The following CDH13 variants were observed in gnomAD, a reference collection of about 807,000 sequenced individuals.
CDH13 encodes the protein cadherin 13, also known as cadherin-13.
A neutral mutation model predicts 63.8 loss-of-function variants in CDH13; 24 were observed. The ratio of observed to expected loss-of-function variants is 0.38; its 90% confidence interval spans 0.27 to 0.53. The LOEUF (loss-of-function observed/expected upper bound fraction) is 0.53, where lower values mean the gene tolerates loss of function less well. CDH13 is among the 20% of genes least tolerant of loss of function. CDH13 has a pLI of 0.85. For missense variants in CDH13, 1,049 were observed against 903.1 expected (o/e 1.16, Z -2.07); for synonymous variants, 503 against 355.3 (o/e 1.42, Z -4.67).
intron 4 of CDH13, among the ~76,000 whole-genome samples, chr16:83,141,465 A>T (rs2036526078): frequency 6.6e-6 from 1 of 151,712 alleles, no homozygotes; most frequent in Non-Finnish European, 1.5e-5. Context: ...TTATATTTTC[A>T]TTTCTCTTCG....
intron 6 of CDH13, among the ~76,000 whole-genome samples, chr16:83,437,859 G>A (rs952373735): frequency 3.3e-5 from 5 of 152,206 alleles, no homozygotes; most frequent in South Asian, 2.1e-4. Flanking sequence ...AGGAGAAAAA[G>A]CAAATAAAGA....
intron 6 of CDH13, among the ~76,000 whole-genome samples, chr16:83,456,685 G>C (rs572901454): frequency 6.6e-6 from 1 of 152,304 alleles, no homozygotes; most frequent in Admixed American, 6.5e-5. Context: ...CTAGGGGGCT[G>C]GGCGCAGGGT....
At position 82,870,606 on chromosome 16, in the gene CDH13, T is replaced by C. The variant is rs116789831; in HGVS notation, c.157+12133T>C. 9.4e-3 allele frequency among the ~76,000 whole-genome samples: 1,432 copies of C among 152,182 alleles called. 25 individuals carry two copies. Among genetic ancestry groups the C allele is most frequent in the African/African-American group, 0.033 (1,355 of 41,542 alleles). Reference sequence around the variant, plus strand: ...TAGGGTAACAAAAATTAATAATTTATTATATATTTTACATACCCAATAAGA... The same window carrying C: ...TAGGGTAACAAAAATTAATAATTTACTATATATTTTACATACCCAATAAGA... On this transcript the variant is annotated intron_variant, in intron 2 of 13. Transcript: ENST00000567109.
chr16:82,840,445 G>C (rs1032344645), intron 1 of CDH13, among the ~76,000 whole-genome samples: 1 of 151,714 alleles, frequency 6.6e-6, no homozygotes, highest in Non-Finnish European at 1.5e-5. Flanking sequence ...CACTTTGGGA[G>C]GCCCAGGTGG....
chr16:83,668,735 C>T (rs149346455), intron 8 of CDH13, among the ~76,000 whole-genome samples: 110 of 152,300 alleles, frequency 7.2e-4, no homozygotes, highest in African/African-American at 2.4e-3. Flanking sequence ...GGTCACTAAA[C>T]GACTTTGGGC....
intron 4 of CDH13, among the ~76,000 whole-genome samples, chr16:83,195,659 T>C (rs965685202): frequency 6.6e-6 from 1 of 152,088 alleles, no homozygotes; most frequent in East Asian, 1.9e-4. Context: ...ACATTGGGGA[T>C]TACAATTCGA....
At chr16:83,284,500 A>T (rs1044886764) in intron 5 of CDH13, among the ~76,000 whole-genome samples, 13 of 152,194 alleles carry the variant, frequency 8.5e-5, no homozygotes, top group African/African-American at 3.1e-4. Context: ...TAAAAATTAG[A>T]TTAAGATTAA....
chr16:82,709,637 C>T (rs935862118), intron 1 of CDH13, among the ~76,000 whole-genome samples: 6 of 152,194 alleles, frequency 3.9e-5, no homozygotes, highest in Non-Finnish European at 7.3e-5. Context: ...GCGACTGCGA[C>T]ATAGCAAGTG....
At chr16:83,028,582 G>A (rs528341908) in intron 2 of CDH13, among the ~76,000 whole-genome samples, 4 of 152,170 alleles carry the variant, frequency 2.6e-5, no homozygotes, top group Admixed American at 2.0e-4. Context: ...ACCTCAGTCC[G>A]TGGATACTAC....
At chr16:83,645,545 C>T (rs532770705) in intron 8 of CDH13, among the ~76,000 whole-genome samples, 2 of 125,122 alleles carry the variant, frequency 1.6e-5, no homozygotes, top group African/African-American at 3.0e-5. Flanking sequence ...ATGCCCCCCC[C>T]CAATCTAAAA....
At chr16:83,079,385 C>G (rs1461734432) in intron 3 of CDH13, among the ~76,000 whole-genome samples, 3 of 152,128 alleles carry the variant, frequency 2.0e-5, no homozygotes, top group Non-Finnish European at 4.4e-5. Context: ...ATCAACCTCA[C>G]TGTGATGCAT....
chr16:82,714,819 A>G (rs993223289), intron 1 of CDH13, among the ~76,000 whole-genome samples: 3 of 146,094 alleles, frequency 2.1e-5, no homozygotes, highest in Admixed American at 7.1e-5. Flanking sequence ...AGGGACACCA[A>G]AACTGCCAGC....
rs769862498 is a variant in CDH13, at chr16:82,692,562, T to C, written c.45+65425T>C. Among the ~76,000 whole-genome samples the C allele has an allele frequency of 1.9e-3, 282 of 152,292 alleles. 1 individual carries two copies. The highest frequency in any genetic ancestry group is 6.4e-3 in the African/African-American group (266 of 41,556). ...CCCCATGATTAATTTACCTCTCTCT[T>C]GTTCCTTCCATGACATGTGAGAATT... On this transcript the variant is annotated intron_variant, in intron 1 of 13. Transcript: ENST00000567109.
intron 2 of CDH13, among the ~76,000 whole-genome samples, chr16:82,940,656 A>G (rs1295058732): frequency 6.6e-6 from 1 of 152,160 alleles, no homozygotes; most frequent in Non-Finnish European, 1.5e-5. Context: ...ATCAGCGTCT[A>G]CGTTTGTTTT....
At position 83,147,269 on chromosome 16, in the gene CDH13, T is replaced by G. The variant is rs75275669; in HGVS notation, c.483+21768T>G. On this transcript the variant is annotated intron_variant, in intron 4 of 13. Coordinates refer to ENST00000567109, the MANE Select transcript of CDH13 (RefSeq NM_001257.5). ...CCGTCTTCTGTTTTCCACATCCACC[T>G]TCTTCCGTCCACCCTTTCCTGAAGG... Among the ~76,000 whole-genome samples, 545 of 152,334 alleles carry G rather than the reference T, an allele frequency of 3.6e-3. 6 individuals carry two copies. Among genetic ancestry groups the G allele is most frequent in the African/African-American group, 0.011 (471 of 41,574 alleles).
At chr16:83,148,879 G>T (rs1343499273) in intron 4 of CDH13, among the ~76,000 whole-genome samples, 1 of 151,902 alleles carries the variant, frequency 6.6e-6, no homozygotes, top group Non-Finnish European at 1.5e-5. Flanking sequence ...CAAAAAAAAG[G>T]AATTCTATCC....
chr16:82,726,271 C>G (rs2033089098), intron 1 of CDH13, among the ~76,000 whole-genome samples: 1 of 152,050 alleles, frequency 6.6e-6, no homozygotes, highest in African/African-American at 2.4e-5. Context: ...ATATTTTAGC[C>G]TTGGCAAGCT....
intron 1 of CDH13, among the ~76,000 whole-genome samples, chr16:82,751,232 C>T (rs1352077693): frequency 3.9e-5 from 6 of 152,188 alleles, no homozygotes; most frequent in Non-Finnish European, 8.8e-5. Context: ...TGTACAATTG[C>T]ATAGGGCCCT....
chr16:83,481,840 C>G (rs1425606880), intron 6 of CDH13, among the ~76,000 whole-genome samples: 1 of 152,158 alleles, frequency 6.6e-6, no homozygotes, highest in Admixed American at 6.5e-5. Context: ...TATAATTACC[C>G]TTTCTCTGCT....
Sources: gnomAD v4.1 joint callset for allele counts (sites outside exome capture counted in the v4.1 genomes callset) on GRCh38, gnomAD v4.1.1 for gene constraint, MANE v1.5 for transcripts, NCBI Gene and HGNC (gene_info 2026-07-23, HGNC 2026-07-21) for gene names.